Variants in ARHGAP25 observed in about 807,000 individuals in gnomAD.
The protein encoded by ARHGAP25 is rho GTPase-activating protein 25.
A neutral mutation model predicts 71.0 loss-of-function variants in ARHGAP25; 34 were observed. The ratio of observed to expected loss-of-function variants is 0.48; its 90% CI spans 0.36 to 0.64. ARHGAP25 has a LOEUF of 0.64. Ranked by LOEUF, ARHGAP25 falls within the 30% of genes least tolerant of loss-of-function variation. The probability of loss-of-function intolerance (pLI) is 0.00; values close to 1 mark genes in which losing one functional copy is unlikely to be tolerated. For synonymous variants in ARHGAP25, 282 were observed against 296.5 expected (o/e 0.95, Z 0.50); for missense variants, 706 against 805.1 (o/e 0.88, Z 1.49).
chr2:68,724,548 C>CT (rs1226471107), intron 2 of ARHGAP25, among the ~76,000 whole-genome samples: 1 of 152,152 alleles, frequency 6.6e-6, no homozygotes, highest in Non-Finnish European at 1.5e-5. Flanking sequence ...CTGAGCCACT[C>CT]TGAGTGACAA....
At chr2:68,805,199 A>G (rs1011047157) in intron 4 of ARHGAP25, among the ~76,000 whole-genome samples, 1 of 152,146 alleles carries the variant, frequency 6.6e-6, no homozygotes, top group South Asian at 2.1e-4. Flanking sequence ...ACTGCAGAGC[A>G]TTACGTTTTG....
chr2:68,715,001 T>C (rs1674575574), intron 2 of ARHGAP25, among the ~76,000 whole-genome samples: 1 of 152,230 alleles, frequency 6.6e-6, no homozygotes, highest in African/African-American at 2.4e-5. Flanking sequence ...TTTCTGCTTT[T>C]AGCTCTTCTG....
chr2:68,824,759 A>G (rs531587201), intron 10 of ARHGAP25, among the ~76,000 whole-genome samples: 1 of 152,284 alleles, frequency 6.6e-6, no homozygotes, highest in African/African-American at 2.4e-5. Context: ...ACAAAAGGAA[A>G]AAAAAAAGAT....
chr2:68,779,819 C>T (rs146469077), intron 2 of ARHGAP25, among the ~76,000 whole-genome samples: 1 of 152,342 alleles, frequency 6.6e-6, no homozygotes, highest in East Asian at 1.9e-4. Context: ...AGTGTCCCCA[C>T]CCTCACCCCT....
chr2:68,752,433 GAGCAGTGGC>G (rs1676233639), intron 1 of ARHGAP25, among the ~76,000 whole-genome samples: 1 of 152,196 alleles, frequency 6.6e-6, no homozygotes, highest in African/African-American at 2.4e-5. Flanking sequence ...GTCTCCAGAA[GAGCAGTGGC>G]ATTATTGTTA....
At chr2:68,821,092 C>CTTTTTT (rs34119311) in intron 9 of ARHGAP25, among the ~76,000 whole-genome samples, 1,170 of 99,286 alleles carry the variant, frequency 0.012, 14 homozygotes, top group Middle Eastern at 0.021. Flanking sequence ...CTTTTTCTTT[C>CTTTTTT]TTTTTTTTTT....
chr2:68,811,607 G>A (rs764615959), intron 5 of ARHGAP25, among the ~76,000 whole-genome samples: 11 of 151,948 alleles, frequency 7.2e-5, no homozygotes, highest in Admixed American at 1.3e-4. Flanking sequence ...GTGCCAGCCC[G>A]TGTTCTCCTA....
intron 4 of ARHGAP25, among the ~76,000 whole-genome samples, chr2:68,801,451 A>G (rs979798451): frequency 6.6e-6 from 1 of 152,222 alleles, no homozygotes; most frequent in African/African-American, 2.4e-5. Flanking sequence ...TGTCCCAAGA[A>G]GAAGGAGGTG....
Position 68,790,367 on chromosome 2 carries a change from G to A in ARHGAP25, c.466+2411G>A, listed in dbSNP as rs539183385. Among the ~76,000 whole-genome samples the A allele has an allele frequency of 2.0e-5, 3 of 152,280 alleles. No individual in the cohort carries two copies. In the South Asian group the frequency reaches 6.2e-4, roughly 32 times the overall value. On this transcript the variant is annotated intron_variant, in intron 4 of 10. Transcript: ENST00000409202. ...TAAGACAGTATAGAGTCTCATTTGA[G>A]GCCACTGGACAAATCAGACATTTGT...
intron 2 of ARHGAP25, among the ~76,000 whole-genome samples, chr2:68,724,677 T>C (rs1274820598): frequency 1.3e-5 from 2 of 152,202 alleles, no homozygotes; most frequent in Non-Finnish European, 2.9e-5. Context: ...AGGATCTCCA[T>C]TTGGAGATGT....
At position 68,775,065 on chromosome 2, in the gene ARHGAP25, G is replaced by A. The variant is rs1677776334; in HGVS notation, c.62-156G>A. The A allele has an allele frequency of 8.5e-6, 13 of 1,533,350 alleles. No homozygotes were observed. In the South Asian group the frequency reaches 1.7e-4, roughly 19 times the overall value. The allele number at this position is 1,533,350 out of a possible 1,614,324, so 95.0% of individuals were successfully genotyped here. ...CTCGGCTGCTTCTCTGGCTCGGGGG[G>A]GACTTTCTCTGGCTCAGATCCGGAC... On this transcript the variant is annotated intron_variant, in intron 1 of 10. Coordinates refer to ENST00000409202, the MANE Select transcript of ARHGAP25 (RefSeq NM_001007231.3).
chr2:68,816,494 CAT>C, intron 7 of ARHGAP25, 132 bp downstream of exon 7: 1 of 720,754 alleles, frequency 1.4e-6, no homozygotes, highest in Non-Finnish European at 2.3e-6. Flanking sequence ...GCTGTATTCA[CAT>C]AGCACTGAAG....
At chr2:68,766,553 C>T (rs762483371) in intron 1 of ARHGAP25, among the ~76,000 whole-genome samples, 3 of 152,140 alleles carry the variant, frequency 2.0e-5, no homozygotes, top group Non-Finnish European at 4.4e-5. Flanking sequence ...ACGAAAGCCA[C>T]AAAACATGAA....
chr2:68,819,532 A>G (rs1681483351), intron 9 of ARHGAP25: 1 of 697,010 alleles, frequency 1.4e-6, no homozygotes, highest in African/African-American at 1.7e-5. Context: ...GGTGAGTGAC[A>G]AGTGTGCCAA....
Position 68,807,387 on chromosome 2 carries a change from A to G in ARHGAP25, c.581A>G (p.Asn194Ser). Reference protein sequence around the residue: ...CAEFILEHGRNEEGIFRLPGQ... With the variant: ...CAEFILEHGRSEEGIFRLPGQ... ...GAGTTCATCCTGGAGCACGGCCGGA[A>G]TGAAGAGGGCATCTTCCGTCTGCCT... The change falls in exon 5 of 11, where the codon AAT becomes AGT. Residue 194 changes from asparagine (N) to serine (S), a missense_variant. Coordinates refer to ENST00000409202, the MANE Select transcript of ARHGAP25 (RefSeq NM_001007231.3). 1 of 1,614,224 alleles carries G rather than the reference A, an allele frequency of 6.2e-7. No individual in the cohort carries two copies. The highest frequency in any genetic ancestry group is 1.1e-5 in the South Asian group (1 of 91,088).
chr2:68,782,093 A>T, intron 2 of ARHGAP25, 140 bp from the exon 3 acceptor site: 1 of 711,014 alleles, frequency 1.4e-6, no homozygotes, highest in Non-Finnish European at 2.3e-6. Context: ...GGGCCCCATT[A>T]AAACTGGGAG....
chr2:68,819,033 G>A lies in ARHGAP25; in HGVS notation c.1004-90G>A, dbSNP rs565237077. On this transcript the variant is annotated intron_variant, in intron 8 of 10. Coordinates refer to ENST00000409202, the MANE Select transcript of ARHGAP25 (RefSeq NM_001007231.3). ...TTCTGGGCCCTATAGTTTTAGAACC[G>A]AGTTTGGAGACATCCACGGGTGGGG... The A allele has an allele frequency of 1.8e-4, 220 of 1,194,936 alleles. 2 individuals are homozygous for A. In the South Asian group the frequency reaches 2.0e-3, roughly 11 times the overall value. 74.0% of individuals were successfully genotyped at this position (1,194,936 alleles called of 1,614,324 possible).
intron 3 of ARHGAP25, 87 bp from the exon 4 acceptor site, chr2:68,787,753 T>C: frequency 9.7e-7 from 1 of 1,027,872 alleles, no homozygotes; most frequent in Non-Finnish European, 1.5e-6. Flanking sequence ...AACCAAGACA[T>C]CAATTTAGGT....
intron 4 of ARHGAP25, among the ~76,000 whole-genome samples, chr2:68,803,248 G>A (rs1680138540): frequency 6.6e-6 from 1 of 152,140 alleles, no homozygotes; most frequent in Non-Finnish European, 1.5e-5. Context: ...GAACAGGAAT[G>A]ATTGGATTTA....
Sources: allele counts gnomAD v4.1 joint callset (sites outside exome capture counted in the v4.1 genomes callset), GRCh38; gene constraint gnomAD v4.1.1; transcripts MANE v1.5; gene names NCBI Gene and HGNC (gene_info 2026-07-23, HGNC 2026-07-21).